The following AGAP1 variants were observed in gnomAD, a reference collection of about 807,000 sequenced individuals.
AGAP1 encodes ArfGAP with GTPase domain, ankyrin repeat and PH domain 1, also known as arf-GAP with GTPase, ANK repeat and PH domain-containing protein 1.
In AGAP1, 29 loss-of-function variants were observed where a neutral mutation model predicts 105.3. The ratio of observed to expected loss-of-function variants is 0.28; its 90% CI spans 0.21 to 0.38. AGAP1 has a LOEUF of 0.38. Among genes scored for constraint, AGAP1 ranks in the 10% least tolerant of loss-of-function variants. AGAP1 has a pLI of 1.00. For missense variants in AGAP1, 998 were observed against 1,165.1 expected (o/e 0.86, Z 2.09); for synonymous variants, 509 against 485.9 (o/e 1.05, Z -0.63).
intron 11 of AGAP1, among the ~76,000 whole-genome samples, chr2:235,910,237 T>G (rs2051526606): frequency 6.6e-6 from 1 of 152,298 alleles, no homozygotes. Flanking sequence ...GTCACTGAGC[T>G]GGTTCCTTCC....
In AGAP1 at chr2:236,036,481, G is replaced by A; in HGVS notation, c.1646-80G>A. ...CATGCAGGGGCAGCTGAACCCAGAG[G>A]CGCTTCTGTGACAGAGGGCCCGCAG... On this transcript the variant is annotated intron_variant, in intron 13 of 17. Coordinates refer to ENST00000304032, the MANE Select transcript of AGAP1 (RefSeq NM_001037131.3). The surrounding 1 kb of genome is among the most constrained non-coding windows in gnomAD (Gnocchi z 5.7). The A allele has an allele frequency of 7.1e-6, 11 of 1,554,920 alleles. No individual in the cohort carries two copies. The highest frequency in any genetic ancestry group is 2.2e-5 in the East Asian group (1 of 44,692).
chr2:235,983,053 T>G lies in AGAP1; in HGVS notation c.1645+14430T>G, dbSNP rs2055161476. ...ATGTGTGAGCATGAGGAGACATTCC[T>G]TAAGCCAGCCTGGTCTGTGGAGGTG... is the stretch of plus-strand genomic sequence containing the variant. On this transcript the variant is annotated intron_variant, in intron 13 of 17. Coordinates refer to ENST00000304032, the MANE Select transcript of AGAP1 (RefSeq NM_001037131.3). The surrounding 1 kb of genome is among the most constrained non-coding windows in gnomAD (Gnocchi z 4.5). Among the ~76,000 whole-genome samples, 1 of 152,218 alleles carries G rather than the reference T, an allele frequency of 6.6e-6. No homozygotes were observed. The highest frequency in any genetic ancestry group is 1.5e-5 in the Non-Finnish European group (1 of 68,020).
At chr2:236,106,251 A>G (rs2059487389) in intron 16 of AGAP1, among the ~76,000 whole-genome samples, 1 of 152,220 alleles carries the variant, frequency 6.6e-6, no homozygotes, top group Non-Finnish European at 1.5e-5. Context: ...ATTGAAGCCT[A>G]AGGACCGTTG....
At position 235,797,858 on chromosome 2, in the gene AGAP1, C is replaced by T. The variant is rs1417904174; in HGVS notation, c.773C>T (p.Ala258Val). 5.0e-6 allele frequency: 8 copies of T among 1,614,166 alleles called. No homozygotes were observed. The highest frequency in any genetic ancestry group is 1.7e-5 in the Admixed American group (1 of 60,016). ...NSPSHSSVCSAQVSAVHISQT... is the reference protein window; with the variant it reads ...NSPSHSSVCSVQVSAVHISQT... ...CCCAGCCATTCCTCCGTCTGTTCCGCGCAGGTGTCTGCCGTGCACATCAGC... is the reference window on the plus strand; with the variant it reads ...CCCAGCCATTCCTCCGTCTGTTCCGTGCAGGTGTCTGCCGTGCACATCAGC... Residue 258 changes from alanine to valine, a missense_variant, in exon 7 of 18, where the codon GCG (alanine) becomes GTG (valine). Around this residue, in one of 3 missense-constraint regions of AGAP1, gnomAD observed 735 missense variants for 833.4 expected, o/e 0.88. Coordinates refer to ENST00000304032, the MANE Select transcript of AGAP1 (RefSeq NM_001037131.3).
intron 6 of AGAP1, among the ~76,000 whole-genome samples, chr2:235,770,752 G>T (rs1955380376): frequency 6.6e-6 from 1 of 152,176 alleles, no homozygotes; most frequent in Non-Finnish European, 1.5e-5. Flanking sequence ...TCAGTGCTAG[G>T]ATAATTAAGC....
At chr2:235,771,532 A>G (rs527830641) in intron 6 of AGAP1, among the ~76,000 whole-genome samples, 52 of 152,282 alleles carry the variant, frequency 3.4e-4, no homozygotes, top group African/African-American at 1.1e-3. Context: ...GCCCTGTGGA[A>G]CTGGTGGCCG....
chr2:235,781,865 C>A (rs997322760), intron 6 of AGAP1, among the ~76,000 whole-genome samples: 5 of 152,074 alleles, frequency 3.3e-5, no homozygotes, highest in Non-Finnish European at 5.9e-5. Flanking sequence ...CTAATGGATG[C>A]CGCTAGTGTA....
At position 236,014,186 on chromosome 2, in the gene AGAP1, C is replaced by T. The variant is rs2056612826; in HGVS notation, c.1646-22375C>T. Among the ~76,000 whole-genome samples, 1 of 152,146 alleles carries T rather than the reference C, an allele frequency of 6.6e-6. No homozygotes were observed. The highest frequency in any genetic ancestry group is 2.4e-5 in the African/African-American group (1 of 41,440). Reference sequence around the variant, plus strand: ...TGGTTCCTAGGAGCTCCATTTAGAGCCGTAACTCCCCCGAGTGTCAAAGAG... The same window carrying T: ...TGGTTCCTAGGAGCTCCATTTAGAGTCGTAACTCCCCCGAGTGTCAAAGAG... On this transcript the variant is annotated intron_variant, in intron 13 of 17. Coordinates refer to ENST00000304032, the MANE Select transcript of AGAP1 (RefSeq NM_001037131.3). The surrounding 1 kb of genome is among the most constrained non-coding windows in gnomAD (Gnocchi z 6.3).
chr2:235,592,230 C>A (rs533244417), intron 1 of AGAP1, among the ~76,000 whole-genome samples: 1 of 152,366 alleles, frequency 6.6e-6, no homozygotes, highest in Non-Finnish European at 1.5e-5. Flanking sequence ...TCCTCCTCCA[C>A]TGCCCTGGCC....
chr2:235,984,150 CAT>C (rs1277953084), intron 13 of AGAP1, among the ~76,000 whole-genome samples: 5 of 152,200 alleles, frequency 3.3e-5, no homozygotes, highest in Admixed American at 1.3e-4. Flanking sequence ...TCAAAAGAAT[CAT>C]ATGATAGTTG....
intron 12 of AGAP1, among the ~76,000 whole-genome samples, chr2:235,943,581 C>T (rs1227426152): frequency 6.6e-6 from 1 of 152,102 alleles, no homozygotes; most frequent in Non-Finnish European, 1.5e-5. Flanking sequence ...AACTCCTGAC[C>T]TAAGGTGATC....
intron 1 of AGAP1, among the ~76,000 whole-genome samples, chr2:235,543,307 G>A (rs866824973): frequency 2.6e-5 from 4 of 152,328 alleles, no homozygotes; most frequent in Admixed American, 6.5e-5. Flanking sequence ...GAAATGCCTA[G>A]TCGGAAGGTA....
Position 235,524,566 on chromosome 2 carries a change from G to T in AGAP1, c.163+29717G>T, listed in dbSNP as rs528866025. The T allele has an allele frequency of 6.0e-4, 116 of 194,166 alleles. 1 individual carries two copies. Among genetic ancestry groups the T allele is most frequent in the African/African-American group, 2.7e-3 (111 of 41,822 alleles). The allele number at this position is 194,166 out of a possible 1,614,324, so 12.0% of individuals were successfully genotyped here. A position where few individuals can be genotyped will look rare whatever the true frequency, so the allele number is the denominator to read the frequency against. ...TAAGTATAACCCCCACCCCACTACT[G>T]CCCGCCCACCATGCCTTCCCCACAT... On this transcript the variant is annotated intron_variant, in intron 1 of 17. Transcript: ENST00000304032.
At chr2:235,657,559 T>C (rs1947813328) in intron 1 of AGAP1, among the ~76,000 whole-genome samples, 1 of 152,122 alleles carries the variant, frequency 6.6e-6, no homozygotes, top group South Asian at 2.1e-4. Flanking sequence ...TTTATATTTT[T>C]TAGTAGAGAT....
At position 235,793,926 on chromosome 2, in the gene AGAP1, C is replaced by CT. The variant is rs1957118922; in HGVS notation, c.674-3826dup. ...GTGGATAAAGTAAATGTATACCTCA[C>CT]TTTTTTTGTTAAGTTCTTAAACTTT... On this transcript the variant is annotated intron_variant, in intron 6 of 17. Coordinates refer to ENST00000304032, the MANE Select transcript of AGAP1 (RefSeq NM_001037131.3). The surrounding 1 kb of genome is among the most constrained non-coding windows in gnomAD (Gnocchi z 5.3). Among the ~76,000 whole-genome samples the CT allele has an allele frequency of 2.0e-5, 3 of 152,108 alleles. No homozygotes were observed. Among genetic ancestry groups the CT allele is most frequent in the Admixed American group, 2.0e-4 (3 of 15,260 alleles).
Position 235,728,555 on chromosome 2 carries a change from A to G in AGAP1, c.310+10911A>G, listed in dbSNP as rs1951774053. On this transcript the variant is annotated intron_variant, in intron 3 of 17. Coordinates refer to ENST00000304032, the MANE Select transcript of AGAP1 (RefSeq NM_001037131.3). This position sits in a 1 kb window ranked among gnomAD's most constrained non-coding sequence, Gnocchi z 4.3. ...TTCTGAGGCAGGGTCTGTGTGCAGGAGGAGTGCTAGTGTGAGAGCTGCTGG... is the reference window on the plus strand; with the variant it reads ...TTCTGAGGCAGGGTCTGTGTGCAGGGGGAGTGCTAGTGTGAGAGCTGCTGG... Among the ~76,000 whole-genome samples the G allele has an allele frequency of 6.6e-6, 1 of 152,136 alleles. No homozygotes were observed. The highest frequency in any genetic ancestry group is 6.5e-5 in the Admixed American group (1 of 15,284).
chr2:235,885,162 G>T (rs957619476), intron 10 of AGAP1, among the ~76,000 whole-genome samples: 4 of 152,032 alleles, frequency 2.6e-5, no homozygotes, highest in Admixed American at 2.6e-4. Flanking sequence ...GCATACTCCC[G>T]GCTATTTCTA....
rs918409027 is a variant in AGAP1, at chr2:236,051,641, C to T, written c.2114+2360C>T. ...GAGGAGGAGCAGGAATGGGGGAGGC[C>T]CAAAGAGCAGAAGCAGGAAGGGCCT... On this transcript the variant is annotated intron_variant, in intron 16 of 17. Transcript: ENST00000304032. The surrounding 1 kb of genome is among the most constrained non-coding windows in gnomAD (Gnocchi z 5.9). Among the ~76,000 whole-genome samples the T allele has an allele frequency of 2.6e-5, 4 of 151,968 alleles. No homozygotes were observed. Among genetic ancestry groups the T allele is most frequent in the African/African-American group, 9.7e-5 (4 of 41,380 alleles).
rs1196876899 is a variant in AGAP1 at position 235,553,039 on chromosome 2, G to C, written c.163+58190G>C. Among the ~76,000 whole-genome samples the C allele has an allele frequency of 6.6e-6, 1 of 152,218 alleles. No homozygotes were observed. Among genetic ancestry groups the C allele is most frequent in the Admixed American group, 6.5e-5 (1 of 15,278 alleles). The stretch of plus-strand genomic sequence containing the variant: ...TTTCAGTCAGCTCCCTAGCTGGGTG[G>C]TTCCTCTGAGCCTCTGCTTTATTTC... On this transcript the variant is annotated intron_variant, in intron 1 of 17. Transcript: ENST00000304032. This position sits in a 1 kb window ranked among gnomAD's most constrained non-coding sequence, Gnocchi z 4.5.
Sources: gnomAD v4.1 joint callset for allele counts (sites outside exome capture counted in the v4.1 genomes callset) on GRCh38, gnomAD v4.1.1 for gene constraint, gnomAD v4.1.1 regional missense constraint, Gnocchi (gnomAD v3.1) non-coding constraint, MANE v1.5 for transcripts, NCBI Gene and HGNC (gene_info 2026-07-23, HGNC 2026-07-21) for gene names.